The following SPATA46 variants were observed in gnomAD, a reference collection of about 807,000 sequenced individuals.
SPATA46 encodes spermatogenesis associated 46.
SPATA46 carries 3 observed loss-of-function variants against 6.2 expected under a neutral mutation model. The observed-to-expected ratio is 0.48, with a 90% CI of 0.22 to 1.25. The LOEUF (loss-of-function observed/expected upper bound fraction) is 1.25. SPATA46 is among the 50% of genes most tolerant of loss of function. The pLI, the probability that SPATA46 is intolerant of heterozygous loss-of-function variation, is 0.20. For synonymous variants in SPATA46, 117 were observed against 123.3 expected, an observed-to-expected ratio of 0.95 and a Z score of 0.34; for missense variants, 308 against 323.5, an observed-to-expected ratio of 0.95 and a Z score of 0.37.
chr1:162,374,330 G>A lies in SPATA46; in HGVS notation c.504C>T (p.Asp168=), dbSNP rs908894314. Residue 168 remains aspartate, a synonymous_variant, in exon 3 of 3, where the codon GAC becomes GAT. Transcript: ENST00000367935. ...GGTGCCACCTGGAAGCCATTAGGAT[G>A]TCCTGGGATGTGATGGAGTCCAGGC... The part of the protein sequence containing the change: ...RHGLDSITSQ[D]ILMASRWHPA... 3.7e-6 allele frequency: 6 copies of A among 1,614,062 alleles called. No individual in the cohort carries two copies. The highest frequency in any genetic ancestry group is 2.2e-5 in the East Asian group (1 of 44,880).
rs778609380 is a variant in SPATA46, at chr1:162,376,735, A to G, written c.56T>C (p.Leu19Pro). The G allele has an allele frequency of 2.5e-6, 4 of 1,614,006 alleles. No homozygotes were observed. Among genetic ancestry groups the G allele is most frequent in the Admixed American group, 1.7e-5 (1 of 59,992 alleles). Residue 19 changes from leucine to proline, a missense_variant, in exon 1 of 3, where the codon CTG becomes CCG. Physicochemically the swap from Leu to Pro is moderately conservative, Grantham distance 98 (BLOSUM62 -3). Transcript: ENST00000367935. ...GAACATAATGTCGGGAAAAGCACTC[A>G]GGGCGGAGGAAGAGATTGGAGGTCC... is the stretch of plus-strand genomic sequence containing the variant. ...ISGPPISSSA[L>P]SAFPDIMFSR...
At chr1:162,376,560 A>G (rs1246871657) in intron 1 of SPATA46, 128 bp downstream of exon 1, 24 of 910,894 alleles carry the variant, frequency 2.6e-5, no homozygotes, top group Admixed American at 2.3e-4. Flanking sequence ...TTGAAAAATT[A>G]TTTTCTCCCC....
intron 2 of SPATA46, among the ~76,000 whole-genome samples, chr1:162,374,957 A>G (rs9783088): frequency 0.096 from 14,549 of 152,164 alleles, 953 homozygotes; most frequent in African/African-American, 0.17. Flanking sequence ...GACCCAGCGG[A>G]TAGCCAAACC....
chr1:162,374,671 A>G (rs941739374), intron 2 of SPATA46, 55 bp from the exon 3 acceptor site: 2 of 1,522,472 alleles, frequency 1.3e-6, no homozygotes, highest in Non-Finnish European at 8.8e-7. Flanking sequence ...GGAGCCAAGG[A>G]TGCTGGAGCA....
chr1:162,375,379 G>A lies in SPATA46; in HGVS notation c.128C>T (p.Thr43Ile). The A allele has an allele frequency of 1.2e-6, 2 of 1,614,128 alleles. No individual in the cohort carries two copies. Among genetic ancestry groups the A allele is most frequent in the Non-Finnish European group, 1.7e-6 (2 of 1,179,982 alleles). Reference sequence around the variant, plus strand: ...GGCCTGAGCTGGGCTGGATGCCTCAGTGGGTACTGCTGTCTTTGCAATGTC... The same window carrying A: ...GGCCTGAGCTGGGCTGGATGCCTCAATGGGTACTGCTGTCTTTGCAATGTC... ...LPDIAKTAVP[T>I]EASSPAQALP... The change falls in exon 2 of 3, where the codon ACT becomes ATT. Residue 43 changes from threonine to isoleucine, a missense_variant. Physicochemically the swap from Thr to Ile is moderately conservative, Grantham distance 89. Transcript: ENST00000367935.
At chr1:162,375,194 G>T in intron 2 of SPATA46, 96 bp downstream of exon 2, 2 of 1,078,958 alleles carry the variant, frequency 1.9e-6, no homozygotes, top group South Asian at 1.4e-5. Flanking sequence ...GCGCATGGGG[G>T]TCCAGCTTCC....
At position 162,375,331 on chromosome 1, in the gene SPATA46, A is replaced by G. The variant is rs200406961; in HGVS notation, c.176T>C (p.Ile59Thr). 112 of 1,613,968 alleles carry G rather than the reference A, an allele frequency of 6.9e-5. No individual in the cohort carries two copies. The highest frequency in any genetic ancestry group is 9.1e-5 in the Non-Finnish European group (107 of 1,180,014). ...GTTCTGTATCCCTTGCCTGACAATG[A>G]TGCTTTGGTACTGGGGTGGCAGGGC... is the stretch of plus-strand genomic sequence containing the variant. The part of the protein sequence containing the change: ...AQALPPQYQS[I>T]IVRQGIQNTA... The change falls in exon 2 of 3, where the codon ATC (isoleucine) becomes ACC (threonine). Residue 59 changes from isoleucine (I) to threonine (T), a missense_variant. Coordinates refer to ENST00000367935, the MANE Select transcript of SPATA46 (RefSeq NM_182581.4).
chr1:162,374,341 T>C lies in SPATA46; in HGVS notation c.493A>G (p.Thr165Ala). 1.9e-6 allele frequency: 3 copies of C among 1,614,042 alleles called. No homozygotes were observed. The highest frequency in any genetic ancestry group is 2.5e-6 in the Non-Finnish European group (3 of 1,179,986). ...GAAGCCATTAGGATGTCCTGGGATG[T>C]GATGGAGTCCAGGCCATGCCTGGAT... ...KKSRHGLDSI[T>A]SQDILMASRW... is the part of the protein sequence containing the mutation. Residue 165 changes from threonine to alanine, a missense_variant, in exon 3 of 3, where the codon ACA (threonine) becomes GCA (alanine). By Grantham distance (58) the Thr-to-Ala change is moderately conservative (BLOSUM62 0). Transcript: ENST00000367935.
At position 162,374,614 on chromosome 1, in the gene SPATA46, A is replaced by G. The variant is rs763508901; in HGVS notation, c.220T>C (p.Cys74Arg). 1 of 1,606,580 alleles carries G rather than the reference A, an allele frequency of 6.2e-7. No homozygotes were observed. Among genetic ancestry groups the G allele is most frequent in the East Asian group, 2.2e-5 (1 of 44,860 alleles). ...CCGTGCTGGGTATCCCCCAAGCTGC[A>G]GTCTGCAAAGGAAAGGACCAGGTCT... Reference protein sequence around the residue: ...GIQNTALSPDCSLGDTQHGEK... With the variant: ...GIQNTALSPDRSLGDTQHGEK... Residue 74 changes from cysteine (C) to arginine (R), a missense_variant and splice_region_variant, in exon 3 of 3, where the codon TGC becomes CGC. Cys to Arg is a radical substitution (Grantham distance 180). Coordinates refer to ENST00000367935, the MANE Select transcript of SPATA46 (RefSeq NM_182581.4).
At chr1:162,376,483 T>A in intron 1 of SPATA46, 8 of 521,020 alleles carry the variant, frequency 1.5e-5, no homozygotes, top group African/African-American at 1.9e-5. Flanking sequence ...AAAAAAAAAG[T>A]TTTCCCCTTT....
Position 162,373,918 on chromosome 1 carries a change from G to A in SPATA46, c.*130C>T. The A allele has an allele frequency of 1.2e-6, 1 of 833,290 alleles. No individual in the cohort carries two copies. Among genetic ancestry groups the A allele is most frequent in the Non-Finnish European group, 1.9e-6 (1 of 525,666 alleles). 51.6% of individuals were successfully genotyped at this position (833,290 alleles called of 1,614,324 possible). Reference sequence around the variant, plus strand: ...ATTTTTAAAAGAGAGAAAGGGGAGGGTGTGTGCCTGGTGTTGCTAGGCAAC... The same window carrying A: ...ATTTTTAAAAGAGAGAAAGGGGAGGATGTGTGCCTGGTGTTGCTAGGCAAC... On this transcript the variant is annotated 3_prime_UTR_variant, in exon 3 of 3. Transcript: ENST00000367935.
chr1:162,374,464 C>T lies in SPATA46; in HGVS notation c.370G>A (p.Gly124Ser). 1 of 1,614,218 alleles carries T rather than the reference C, an allele frequency of 6.2e-7. No homozygotes were observed. Among genetic ancestry groups the T allele is most frequent in the Non-Finnish European group, 8.5e-7 (1 of 1,180,034 alleles). Residue 124 changes from glycine (G) to serine (S), a missense_variant, in exon 3 of 3, where the codon GGC (glycine) becomes AGC (serine). Coordinates refer to ENST00000367935, the MANE Select transcript of SPATA46 (RefSeq NM_182581.4). ...YDFPEVQQDE[G>S]KWDNCLSEDM... The stretch of plus-strand genomic sequence containing the variant: ...TCAGAAAGGCAGTTGTCCCACTTGC[C>T]CTCATCCTGCTGCACCTCTGGGAAG...
chr1:162,376,194 A>T (rs1484005593), intron 1 of SPATA46, among the ~76,000 whole-genome samples: 1 of 152,162 alleles, frequency 6.6e-6, no homozygotes, highest in Non-Finnish European at 1.5e-5. Flanking sequence ...TTATTCCATG[A>T]TGTGCTCATC....
chr1:162,375,328 A>G lies in SPATA46; in HGVS notation c.179T>C (p.Ile60Thr), dbSNP rs746808976. 2.5e-6 allele frequency: 4 copies of G among 1,613,962 alleles called. No homozygotes were observed. Among genetic ancestry groups the G allele is most frequent in the Admixed American group, 1.7e-5 (1 of 59,996 alleles). The change falls in exon 2 of 3, where the codon ATT (isoleucine) becomes ACT (threonine). Residue 60 changes from isoleucine (I) to threonine (T), a missense_variant. Coordinates refer to ENST00000367935, the MANE Select transcript of SPATA46 (RefSeq NM_182581.4). The part of the protein sequence containing the change: ...QALPPQYQSI[I>T]VRQGIQNTAL... ...TGTGTTCTGTATCCCTTGCCTGACA[A>G]TGATGCTTTGGTACTGGGGTGGCAG...
chr1:162,375,641 A>G (rs1197368252), intron 1 of SPATA46, among the ~76,000 whole-genome samples: 1 of 152,092 alleles, frequency 6.6e-6, no homozygotes, highest in Non-Finnish European at 1.5e-5. Flanking sequence ...GGGATTTATG[A>G]TGTAGCCCAG....
intron 2 of SPATA46, among the ~76,000 whole-genome samples, 166 bp downstream of exon 2, chr1:162,375,124 G>A (rs767300363): frequency 7.9e-5 from 12 of 152,188 alleles, no homozygotes; most frequent in Non-Finnish European, 1.2e-4. Flanking sequence ...GAGAGCCCCA[G>A]GCCTGTGGGT....
chr1:162,374,435 G>A lies in SPATA46; in HGVS notation c.399C>T (p.Asp133=). The A allele has an allele frequency of 6.2e-7, 1 of 1,614,254 alleles. No individual in the cohort carries two copies. The highest frequency in any genetic ancestry group is 1.1e-5 in the South Asian group (1 of 91,090). The change falls in exon 3 of 3, where the codon GAC becomes GAT. Residue 133 remains aspartate (D), a synonymous_variant. Transcript: ENST00000367935. ...EGKWDNCLSE[D]MAENICSSSS... ...AGGACGAACAGATGTTCTCAGCCAT[G>A]TCCTCAGAAAGGCAGTTGTCCCACT...
intron 1 of SPATA46, 80 bp from the exon 2 acceptor site, chr1:162,375,483 G>GAGTC: frequency 9.0e-7 from 1 of 1,108,464 alleles, no homozygotes; most frequent in Non-Finnish European, 1.4e-6. Context: ...ATACCTAGGG[G>GAGTC]CTCAACCTCT....
intron 1 of SPATA46, among the ~76,000 whole-genome samples, chr1:162,376,382 C>G (rs164186): frequency 0.91 from 137,582 of 151,836 alleles, 63,310 homozygotes; most frequent in Non-Finnish European, 0.98. Context: ...AGGAGAATCA[C>G]TTGAACCCAG....
Sources: gnomAD v4.1 joint callset for allele counts (sites outside exome capture counted in the v4.1 genomes callset) on GRCh38, gnomAD v4.1.1 for gene constraint, MANE v1.5 for transcripts, NCBI Gene and HGNC (gene_info 2026-07-23, HGNC 2026-07-21) for gene names.